The following RP1 variants were observed in gnomAD, a reference collection of about 807,000 sequenced individuals.
RP1 encodes the protein RP1 axonemal microtubule associated.
In RP1, 16 loss-of-function variants were observed where a neutral mutation model predicts 14.8. That is an observed-to-expected ratio of 1.08 (90% CI 0.73 to 1.65). RP1 has a LOEUF of 1.65. Among genes scored for constraint, RP1 ranks in the 40% most tolerant of loss-of-function variants. RP1 has a pLI of 0.00. For missense variants in RP1, 2,631 were observed against 2,535.0 expected (o/e 1.04, Z -0.81); for synonymous variants, 876 against 883.6 (o/e 0.99, Z 0.15).
intron 1 of RP1, among the ~76,000 whole-genome samples, chr8:54,617,968 A>G (rs1174559417): frequency 1.3e-5 from 2 of 152,222 alleles, no homozygotes; most frequent in East Asian, 1.9e-4. Context: ...CCTCTTTATC[A>G]TAGGCTCTTA....
chr8:54,753,948 T>C (rs925785487), intron 19 of RP1, among the ~76,000 whole-genome samples: 2 of 152,170 alleles, frequency 1.3e-5, no homozygotes, highest in African/African-American at 4.8e-5. Flanking sequence ...GGGACTTATT[T>C]AGAAGATTAG....
intron 25 of RP1, chr8:54,852,445 GAA>G (rs1347419462): frequency 1.8e-6 from 1 of 555,582 alleles, no homozygotes; most frequent in African/African-American, 1.9e-5. Flanking sequence ...GTACATAGAA[GAA>G]AAAGAGTTGG....
In RP1 at chr8:54,628,752, A is replaced by G; in HGVS notation, c.4870A>G (p.Asn1624Asp). The G allele has an allele frequency of 1.2e-6, 2 of 1,614,102 alleles. No individual in the cohort carries two copies. The highest frequency in any genetic ancestry group is 1.3e-5 in the African/African-American group (1 of 75,040). The change falls in exon 4 of 4, where the codon AAC becomes GAC. Residue 1624 changes from asparagine (N) to aspartate (D), a missense_variant. Physicochemically the swap from Asn to Asp is conservative, Grantham distance 23. Coordinates refer to ENST00000220676, the MANE Select transcript of RP1 (RefSeq NM_006269.2). ...SGELTQEKEYNIGFVKRAIEK... is the reference protein window; with the variant it reads ...SGELTQEKEYDIGFVKRAIEK... Reference sequence around the variant, plus strand: ...CGAACTTACCCAAGAGAAAGAATATAACATAGGATTTGTTAAAAGGGCAAT... The same window carrying G: ...CGAACTTACCCAAGAGAAAGAATATGACATAGGATTTGTTAAAAGGGCAAT...
At chr8:54,795,324 A>T (rs750642451) in intron 24 of RP1, among the ~76,000 whole-genome samples, 5 of 152,098 alleles carry the variant, frequency 3.3e-5, no homozygotes, top group Non-Finnish European at 5.9e-5. Context: ...ACATAGGAAC[A>T]CCTTATCTCT....
rs1364164206 is a variant in RP1 at position 54,627,696 on chromosome 8, G to A, written c.3814G>A (p.Glu1272Lys). 2 of 1,614,194 alleles carry A rather than the reference G, an allele frequency of 1.2e-6. No individual in the cohort carries two copies. The highest frequency in any genetic ancestry group is 4.5e-5 in the East Asian group (2 of 44,892). The change falls in exon 4 of 4, where the codon GAG (glutamate) becomes AAG (lysine). Residue 1272 changes from glutamate (E) to lysine (K), a missense_variant. Coordinates refer to ENST00000220676, the MANE Select transcript of RP1 (RefSeq NM_006269.2). ...TGTAAATAAGGCTTATTCTCCAAAA[G>A]AGACATGTAACCCCAGTGACACTTT... Reference protein sequence around the residue: ...CTVNKAYSPKETCNPSDTFFP... With the variant: ...CTVNKAYSPKKTCNPSDTFFP...
chr8:54,781,394 A>T (rs1810183952), intron 23 of RP1, among the ~76,000 whole-genome samples: 2 of 152,214 alleles, frequency 1.3e-5, no homozygotes, highest in Admixed American at 6.5e-5. Flanking sequence ...TTGAATAGAC[A>T]GCAGCTATAA....
intron 24 of RP1, among the ~76,000 whole-genome samples, chr8:54,829,534 G>T (rs1811470776): frequency 5.3e-5 from 8 of 152,114 alleles, no homozygotes. Context: ...AACATGGAGA[G>T]AACATCTGAC....
chr8:54,581,633 C>G (rs1288442041), intron 1 of RP1, among the ~76,000 whole-genome samples: 76 of 152,146 alleles, frequency 5.0e-4, no homozygotes, highest in South Asian at 4.2e-4. Flanking sequence ...CAGTGTAAAA[C>G]TATTCCTATT....
At chr8:54,870,005 G>C (rs1812552613) in exon 29 of RP1, 4 of 766,614 alleles carry the variant, frequency 5.2e-6, no homozygotes, top group African/African-American at 1.8e-5. Context: ...GATTGTGATA[G>C]TGCATTTGTC....
chr8:54,584,829 C>G (rs896859122), intron 1 of RP1, among the ~76,000 whole-genome samples: 6 of 152,112 alleles, frequency 3.9e-5, no homozygotes, highest in African/African-American at 1.4e-4. Flanking sequence ...CAACCCCTGC[C>G]TTTTTTGGTT....
At chr8:54,864,432 A>C (rs1812416889) in intron 27 of RP1, among the ~76,000 whole-genome samples, 1 of 152,216 alleles carries the variant, frequency 6.6e-6, no homozygotes, top group African/African-American at 2.4e-5. Context: ...TTTCAGTGTT[A>C]CTAATGTTTT....
intron 22 of RP1, among the ~76,000 whole-genome samples, chr8:54,762,284 T>C (rs966129119): frequency 6.7e-6 from 1 of 149,940 alleles, no homozygotes. Context: ...GACCACCGAG[T>C]GCTTGTCCCT....
chr8:54,818,784 C>T (rs376127617), intron 24 of RP1, among the ~76,000 whole-genome samples: 2 of 152,254 alleles, frequency 1.3e-5, no homozygotes, highest in South Asian at 2.1e-4. Context: ...GTGAGAAAAC[C>T]TTACTGACAG....
chr8:54,751,858 C>T (rs1461720677), intron 19 of RP1, among the ~76,000 whole-genome samples: 6 of 152,122 alleles, frequency 3.9e-5, no homozygotes, highest in Non-Finnish European at 1.5e-5. Context: ...CGAAGGTAAA[C>T]GGAACTCACT....
At chr8:54,769,696 T>C (rs1005744238) in intron 22 of RP1, 7 of 1,250,328 alleles carry the variant, frequency 5.6e-6, no homozygotes, top group Non-Finnish European at 7.7e-6. Context: ...ATTTTCTCTC[T>C]ATTTTCTCCT....
intron 7 of RP1, among the ~76,000 whole-genome samples, chr8:54,668,885 G>C (rs965796618): frequency 6.6e-6 from 1 of 152,078 alleles, no homozygotes; most frequent in African/African-American, 2.4e-5. Context: ...ATTCAAGATG[G>C]GTTAAAGACT....
At chr8:54,609,044 G>A (rs897673695) in intron 1 of RP1, among the ~76,000 whole-genome samples, 7 of 152,214 alleles carry the variant, frequency 4.6e-5, no homozygotes, top group Admixed American at 6.5e-5. Context: ...AGGAGGGCTA[G>A]GTACAGGCAG....
chr8:54,740,909 G>A (rs1034852733), intron 19 of RP1, among the ~76,000 whole-genome samples: 37 of 150,590 alleles, frequency 2.5e-4, no homozygotes, highest in Non-Finnish European at 4.7e-4. Context: ...GGTGGCAGGC[G>A]CCTGTAGTCC....
chr8:54,657,509 T>TA (rs2129327728), intron 6 of RP1, among the ~76,000 whole-genome samples: 1 of 152,350 alleles, frequency 6.6e-6, no homozygotes, highest in Non-Finnish European at 1.5e-5. Flanking sequence ...CAGTGGTAGA[T>TA]ACAGCAAATG....
Sources: gnomAD v4.1 joint callset for allele counts (sites outside exome capture counted in the v4.1 genomes callset) on GRCh38, gnomAD v4.1.1 for gene constraint, MANE v1.5 for transcripts, NCBI Gene and HGNC (gene_info 2026-07-23, HGNC 2026-07-21) for gene names.